The following SNX1 variants were observed in gnomAD, a reference collection of about 807,000 sequenced individuals.
SNX1 encodes sorting nexin 1.
A neutral mutation model predicts 71.8 loss-of-function variants in SNX1; 36 were observed. The observed-to-expected ratio is 0.50, with a 90% CI of 0.38 to 0.66. The LOEUF (loss-of-function observed/expected upper bound fraction) is 0.66. SNX1 is among the 30% of genes least tolerant of loss of function. The pLI is 0.00. For synonymous variants in SNX1, 254 were observed against 240.7 expected (o/e 1.06, Z -0.51); for missense variants, 612 against 646.7 (o/e 0.95, Z 0.58).
chr15:64,126,329 A>G, intron 6 of SNX1, 109 bp downstream of exon 6: 1 of 1,209,708 alleles, frequency 8.3e-7, no homozygotes, highest in East Asian at 2.5e-5. Flanking sequence ...TCTTGTGGTT[A>G]GAAAAGAGAC....
rs10523424 is a variant in SNX1 at position 64,124,147 on chromosome 15, C to CATATATATATATATATAT, written c.510+616_510+633dup. Among the ~76,000 whole-genome samples the CATATATATATATATATAT allele has an allele frequency of 4.6e-3, 487 of 105,160 alleles. 15 individuals carry two copies. Among genetic ancestry groups the CATATATATATATATATAT allele is most frequent in the African/African-American group, 0.011 (143 of 12,580 alleles). 69.0% of individuals were successfully genotyped at this position (105,160 alleles called of 152,430 possible). Reference sequence around the variant, plus strand: ...TCATTTCCTTTATAAGAAATCTTTACATATATATATATATATATATATATA... The same window carrying CATATATATATATATATAT: ...TCATTTCCTTTATAAGAAATCTTTACATATATATATATATATATATATATATATATATATATATATATA... On this transcript the variant is annotated intron_variant, in intron 5 of 14. Coordinates refer to ENST00000559844, the MANE Select transcript of SNX1 (RefSeq NM_003099.5).
At position 64,137,824 on chromosome 15, in the gene SNX1, C is replaced by T; in HGVS notation, c.*206C>T. 3 of 1,417,220 alleles carry T rather than the reference C, an allele frequency of 2.1e-6. No individual in the cohort carries two copies. The highest frequency in any genetic ancestry group is 2.8e-6 in the Non-Finnish European group (3 of 1,087,904). 87.8% of individuals were successfully genotyped at this position (1,417,220 alleles called of 1,614,324 possible). ...ATTTTCTTACCTAAGAGAATAGTTT[C>T]CTGCTTTAAGCAAAAGACCTACAAT... On this transcript the variant is annotated 3_prime_UTR_variant, in exon 15 of 15. Coordinates refer to ENST00000559844, the MANE Select transcript of SNX1 (RefSeq NM_003099.5).
In SNX1 at chr15:64,143,189, C is replaced by T. The variant is rs994496610; in HGVS notation, c.*5571C>T. ...GGACACATCTGTGCTACAGTGCGCACATGCCTGGATGTACACTCTGTCTTT... is the reference window on the plus strand; with the variant it reads ...GGACACATCTGTGCTACAGTGCGCATATGCCTGGATGTACACTCTGTCTTT... On this transcript the variant is annotated 3_prime_UTR_variant, in exon 15 of 15. Coordinates refer to ENST00000559844, the MANE Select transcript of SNX1 (RefSeq NM_003099.5). 1 of 155,006 alleles carries T rather than the reference C, an allele frequency of 6.5e-6. No homozygotes were observed. The highest frequency in any genetic ancestry group is 1.9e-4 in the East Asian group (1 of 5,278). The allele number at this position is 155,006 out of a possible 1,614,324, so 9.6% of individuals were successfully genotyped here.
At chr15:64,101,147 A>G (rs201314756) in intron 1 of SNX1, among the ~76,000 whole-genome samples, 2 of 152,160 alleles carry the variant, frequency 1.3e-5, no homozygotes, top group Admixed American at 6.5e-5. Context: ...TCACATGACA[A>G]AATTTGCCAT....
chr15:64,140,983 T>TGATAATAGATAGATA lies in SNX1; in HGVS notation c.*3369_*3370insATAGATAGATAGATA, dbSNP rs1555494197. ...GCTCTCACCATACAGTGCAAAGAGA[T>TGATAATAGATAGATA]GATAGATAGATAGATAGATAGATAG... is the stretch of plus-strand genomic sequence containing the variant. On this transcript the variant is annotated 3_prime_UTR_variant, in exon 15 of 15. Transcript: ENST00000559844. The TGATAATAGATAGATA allele has an allele frequency of 6.7e-6, 1 of 148,780 alleles. No homozygotes were observed. The highest frequency in any genetic ancestry group is 1.5e-5 in the Non-Finnish European group (1 of 67,662). 9.2% of individuals were successfully genotyped at this position (148,780 alleles called of 1,614,324 possible). A position where few individuals can be genotyped will look rare whatever the true frequency, so the allele number is the denominator to read the frequency against.
chr15:64,096,722 G>A (rs1732114465), intron 1 of SNX1, among the ~76,000 whole-genome samples: 1 of 152,200 alleles, frequency 6.6e-6, no homozygotes, highest in South Asian at 2.1e-4. Flanking sequence ...TCAGGCCAGA[G>A]GCTGGTGGAC....
rs773353601 is a variant in SNX1 at position 64,127,171 on chromosome 15, T to C, written c.653-3T>C. 6.2e-6 allele frequency: 10 copies of C among 1,607,616 alleles called. No individual in the cohort carries two copies. In the South Asian group the frequency reaches 1.1e-4, roughly 18 times the overall value. ...TTATTTTGCTTTTTAAATTCCATTC[T>C]AGGGATGACAAAAGTGAAAGTTGGG... On this transcript the variant is annotated splice_polypyrimidine_tract_variant and splice_region_variant and intron_variant, in intron 6 of 14. Coordinates refer to ENST00000559844, the MANE Select transcript of SNX1 (RefSeq NM_003099.5).
At chr15:64,103,883 T>G (rs2080990255) in intron 1 of SNX1, among the ~76,000 whole-genome samples, 1 of 151,194 alleles carries the variant, frequency 6.6e-6, no homozygotes, top group African/African-American at 2.4e-5. Context: ...GGTGTATCAC[T>G]TAGTTTGTTT....
At chr15:64,109,585 C>A (rs1191116187) in intron 1 of SNX1, among the ~76,000 whole-genome samples, 4 of 152,046 alleles carry the variant, frequency 2.6e-5, no homozygotes, top group Non-Finnish European at 5.9e-5. Context: ...TAGCTCACTG[C>A]AACCTCTGCC....
chr15:64,137,071 T>C lies in SNX1; in HGVS notation c.1518+139T>C. 4 of 639,842 alleles carry C rather than the reference T, an allele frequency of 6.3e-6. 1 individual carries two copies. In the Admixed American group the frequency reaches 1.1e-4, roughly 18 times the overall value. 39.6% of individuals were successfully genotyped at this position (639,842 alleles called of 1,614,324 possible). On this transcript the variant is annotated intron_variant, in intron 14 of 14. Coordinates refer to ENST00000559844, the MANE Select transcript of SNX1 (RefSeq NM_003099.5). The stretch of plus-strand genomic sequence containing the variant: ...CCTATAGTCCATCATTGAAAATAGG[T>C]CCTGCTGCTCTGACATGGAGCATCC...
At chr15:64,102,920 C>T (rs2080980030) in intron 1 of SNX1, among the ~76,000 whole-genome samples, 1 of 151,970 alleles carries the variant, frequency 6.6e-6, no homozygotes, top group Non-Finnish European at 1.5e-5. Flanking sequence ...GTGCATGCCA[C>T]CATGCCCAGC....
At chr15:64,104,536 G>A (rs1645174750) in intron 1 of SNX1, among the ~76,000 whole-genome samples, 1 of 151,926 alleles carries the variant, frequency 6.6e-6, no homozygotes, top group South Asian at 2.1e-4. Flanking sequence ...GCCTCCCAAA[G>A]TGCTGGGATT....
At chr15:64,107,281 G>A (rs2081032081) in intron 1 of SNX1, among the ~76,000 whole-genome samples, 1 of 152,220 alleles carries the variant, frequency 6.6e-6, no homozygotes, top group Admixed American at 6.5e-5. Flanking sequence ...AGTTTTAACA[G>A]TACCTACGTT....
intron 11 of SNX1, among the ~76,000 whole-genome samples, chr15:64,133,138 G>C (rs2081323749): frequency 6.6e-6 from 1 of 152,206 alleles, no homozygotes; most frequent in African/African-American, 2.4e-5. Flanking sequence ...TTTTCTCAGA[G>C]ACCCTTCATC....
At chr15:64,133,872 T>C (rs2081331841) in intron 11 of SNX1, among the ~76,000 whole-genome samples, 1 of 152,192 alleles carries the variant, frequency 6.6e-6, no homozygotes, top group African/African-American at 2.4e-5. Context: ...TGGGCGTGGT[T>C]AGTCAGGCCA....
chr15:64,121,393 G>A (rs909503410), intron 4 of SNX1, among the ~76,000 whole-genome samples: 1 of 152,118 alleles, frequency 6.6e-6, no homozygotes, highest in Non-Finnish European at 1.5e-5. Flanking sequence ...GGCCTTCCTC[G>A]GCTTGTCGAT....
At chr15:64,118,368 G>A in intron 3 of SNX1, 124 bp downstream of exon 3, 1 of 1,070,172 alleles carries the variant, frequency 9.3e-7, no homozygotes, top group Non-Finnish European at 1.3e-6. Flanking sequence ...GATCTTTATG[G>A]TTAATGGACA....
At chr15:64,110,307 C>T (rs768106606) in intron 1 of SNX1, among the ~76,000 whole-genome samples, 1 of 152,144 alleles carries the variant, frequency 6.6e-6, no homozygotes, top group Non-Finnish European at 1.5e-5. Context: ...GGGATGGAGT[C>T]CCAGAGGATA....
chr15:64,127,196 G>T lies in SNX1; in HGVS notation c.675G>T (p.Gly225=), dbSNP rs1353106748. Residue 225 remains glycine (G), a synonymous_variant, in exon 7 of 15, where the codon GGG becomes GGT. Coordinates refer to ENST00000559844, the MANE Select transcript of SNX1 (RefSeq NM_003099.5). ...SLIGMTKVKV[G]KEDSSSAEFL... is the part of the protein sequence containing the mutation. ...TAGGGATGACAAAAGTGAAAGTTGG[G>T]AAGGAAGATTCTTCTTCTGCAGAAT... 30 of 1,613,548 alleles carry T rather than the reference G, an allele frequency of 1.9e-5. No homozygotes were observed. In the Admixed American group the frequency reaches 5.0e-4, roughly 27 times the overall value.
Sources: allele counts gnomAD v4.1 joint callset (sites outside exome capture counted in the v4.1 genomes callset), GRCh38; gene constraint gnomAD v4.1.1; transcripts MANE v1.5; gene names NCBI Gene and HGNC (gene_info 2026-07-23, HGNC 2026-07-21).